ATP9B: variants seen among roughly 807,000 people sequenced by gnomAD.
ATP9B encodes the protein probable phospholipid-transporting ATPase IIB.
Under a neutral mutation model 146.1 loss-of-function variants are expected in ATP9B, and 110 were observed. The observed-to-expected ratio is 0.75, with a 90% CI of 0.65 to 0.88. The LOEUF is 0.88. Among genes scored for constraint, ATP9B ranks in the 40% least tolerant of loss-of-function variants. The pLI, the probability that ATP9B is intolerant of heterozygous loss-of-function variation, is 0.00. For missense variants in ATP9B, 1,499 were observed against 1,496.4 expected, an observed-to-expected ratio of 1.00 and a Z score of -0.03; for synonymous variants, 604 against 569.7, an observed-to-expected ratio of 1.06 and a Z score of -0.86.
intron 7 of ATP9B, among the ~76,000 whole-genome samples, chr18:79,170,535 T>A (rs1332504820): frequency 6.6e-6 from 1 of 152,260 alleles, no homozygotes; most frequent in Non-Finnish European, 1.5e-5. Flanking sequence ...AACAGATTTT[T>A]AATCTCTGGG....
chr18:79,244,839 A>G (rs575101780), intron 11 of ATP9B, among the ~76,000 whole-genome samples: 65 of 152,364 alleles, frequency 4.3e-4, no homozygotes, highest in African/African-American at 1.5e-3. Context: ...TGTATTTTAA[A>G]TCATTTTAAA....
chr18:79,205,377 G>C (rs1286393868), intron 9 of ATP9B, among the ~76,000 whole-genome samples: 1 of 64,572 alleles, frequency 1.5e-5, no homozygotes, highest in Non-Finnish European at 3.1e-5. Context: ...AAAGTGGTTT[G>C]ATAAGTAACT....
At position 79,205,251 on chromosome 18, in the gene ATP9B, T is replaced by C. The variant is rs565300389; in HGVS notation, c.955-1686T>C. 5.1e-5 allele frequency among the ~76,000 whole-genome samples: 5 copies of C among 97,942 alleles called. 1 individual carries two copies. Among genetic ancestry groups the C allele is most frequent in the Admixed American group, 4.9e-4 (5 of 10,140 alleles). The allele number at this position is 97,942 out of a possible 152,430, so 64.3% of individuals were successfully genotyped here. A position where few individuals can be genotyped will look rare whatever the true frequency, so the allele number is the denominator to read the frequency against. ...TTAGGGGAAATATTTTGGAAACTGTTAGGATTGGTTTAGATTCTGTGCTTC... is the reference window on the plus strand; with the variant it reads ...TTAGGGGAAATATTTTGGAAACTGTCAGGATTGGTTTAGATTCTGTGCTTC... On this transcript the variant is annotated intron_variant, in intron 9 of 29. Coordinates refer to ENST00000426216, the MANE Select transcript of ATP9B (RefSeq NM_198531.5).
chr18:79,335,700 A>G (rs995034895), intron 17 of ATP9B, among the ~76,000 whole-genome samples: 6 of 152,078 alleles, frequency 3.9e-5, no homozygotes, highest in Non-Finnish European at 7.4e-5. Context: ...CTCCATCACT[A>G]ACTGCGCTTA....
intron 26 of ATP9B, among the ~76,000 whole-genome samples, chr18:79,366,221 T>C (rs2097027673): frequency 6.6e-6 from 1 of 152,134 alleles, no homozygotes. Flanking sequence ...GGTGTGGGTG[T>C]GGAAGCTGCT....
chr18:79,323,126 C>T (rs1192213000), intron 15 of ATP9B, among the ~76,000 whole-genome samples: 1 of 150,620 alleles, frequency 6.6e-6, no homozygotes, highest in South Asian at 2.1e-4. Flanking sequence ...CGTTGCTTCG[C>T]GTTAGTAATC....
At chr18:79,342,490 A>AT (rs2096864722) in intron 20 of ATP9B, 124 bp downstream of exon 20, 1 of 609,212 alleles carries the variant, frequency 1.6e-6, no homozygotes, top group South Asian at 2.5e-5. Flanking sequence ...AACTACTGTA[A>AT]TTTTTTTAAT....
chr18:79,116,963 AT>A (rs1568210102), intron 4 of ATP9B, among the ~76,000 whole-genome samples: 2 of 146,752 alleles, frequency 1.4e-5, no homozygotes, highest in African/African-American at 2.5e-5. Flanking sequence ...AAAAGAAATA[AT>A]GATTGATCAC....
chr18:79,366,194 G>A (rs2097027370), intron 26 of ATP9B, among the ~76,000 whole-genome samples: 1 of 152,240 alleles, frequency 6.6e-6, no homozygotes, highest in Admixed American at 6.5e-5. Flanking sequence ...AGGGTGACCG[G>A]AGAGGCATCC....
intron 1 of ATP9B, among the ~76,000 whole-genome samples, chr18:79,074,282 G>T (rs1401407168): frequency 6.6e-6 from 1 of 152,178 alleles, no homozygotes; most frequent in African/African-American, 2.4e-5. Context: ...GGCTTCTTTG[G>T]CTGGGCCCTG....
At chr18:79,348,944 A>G (rs1600256664) in intron 25 of ATP9B, among the ~76,000 whole-genome samples, 1 of 152,372 alleles carries the variant, frequency 6.6e-6, no homozygotes, top group East Asian at 1.9e-4. Context: ...AGATCGTGCC[A>G]TTGCACTCCA....
chr18:79,136,749 A>G lies in ATP9B; in HGVS notation c.668-7053A>G, dbSNP rs1056046950. Among the ~76,000 whole-genome samples, 5 of 152,172 alleles carry G rather than the reference A, an allele frequency of 3.3e-5. No individual in the cohort carries two copies. In the East Asian group the frequency reaches 7.7e-4, roughly 23 times the overall value. ...TGTGTTAGTCTGTTCTCACGCTGCT[A>G]ATAAAGACATACCCAAGACCGAGTA... On this transcript the variant is annotated intron_variant, in intron 5 of 29. Transcript: ENST00000426216.
chr18:79,163,046 T>A (rs1380385154), intron 7 of ATP9B, among the ~76,000 whole-genome samples: 2 of 152,212 alleles, frequency 1.3e-5, no homozygotes, highest in African/African-American at 4.8e-5. Flanking sequence ...CAGGCCAACT[T>A]AGTAATACAT....
At chr18:79,235,521 A>G (rs569822436) in intron 11 of ATP9B, among the ~76,000 whole-genome samples, 21 of 152,060 alleles carry the variant, frequency 1.4e-4, no homozygotes, top group Non-Finnish European at 2.4e-4. Context: ...TTTCTGTGAC[A>G]CTTTTTGGTT....
chr18:79,095,078 C>T (rs1451679157), intron 1 of ATP9B, among the ~76,000 whole-genome samples: 1 of 152,176 alleles, frequency 6.6e-6, no homozygotes, highest in Non-Finnish European at 1.5e-5. Context: ...CAATACTGAC[C>T]TATCTCTAAA....
intron 26 of ATP9B, chr18:79,360,882 A>G (rs1207861076): frequency 6.6e-6 from 1 of 152,250 alleles, no homozygotes; most frequent in Non-Finnish European, 1.5e-5. Flanking sequence ...TGATGAAACC[A>G]TTGTGATAAA....
intron 7 of ATP9B, among the ~76,000 whole-genome samples, chr18:79,162,068 A>C (rs1334541769): frequency 6.6e-6 from 1 of 152,228 alleles, no homozygotes; most frequent in Admixed American, 6.5e-5. Flanking sequence ...ATCTACTAAC[A>C]GTTTTAATAC....
chr18:79,072,406 G>A (rs1478641176), intron 1 of ATP9B, among the ~76,000 whole-genome samples: 1 of 152,108 alleles, frequency 6.6e-6, no homozygotes, highest in Non-Finnish European at 1.5e-5. Context: ...ATCTTGCACC[G>A]CCCTTAATCC....
intron 7 of ATP9B, among the ~76,000 whole-genome samples, chr18:79,163,010 A>G (rs1402730012): frequency 6.6e-6 from 1 of 152,246 alleles, no homozygotes; most frequent in Non-Finnish European, 1.5e-5. Flanking sequence ...TCAAGTATTC[A>G]TAAGCAGTCT....
Sources: allele counts gnomAD v4.1 joint callset (sites outside exome capture counted in the v4.1 genomes callset), GRCh38; gene constraint gnomAD v4.1.1; transcripts MANE v1.5; gene names NCBI Gene and HGNC (gene_info 2026-07-23, HGNC 2026-07-21).